Variants in MAST4 observed in about 807,000 individuals in gnomAD.
MAST4 encodes the protein microtubule associated serine/threonine kinase family member 4.
In MAST4, 89 loss-of-function variants were observed where a neutral mutation model predicts 162.7. That is an observed-to-expected ratio of 0.55 (90% CI 0.46 to 0.65). The LOEUF (loss-of-function observed/expected upper bound fraction) is 0.65, where lower values mean the gene tolerates loss of function less well. Ranked by LOEUF, MAST4 falls within the 30% of genes least tolerant of loss-of-function variation. The pLI, the probability that MAST4 is intolerant of heterozygous loss-of-function variation, is 0.00. For missense variants in MAST4, 3,153 were observed against 3,374.0 expected (o/e 0.93, Z 1.62); for synonymous variants, 1,479 against 1,361.1 (o/e 1.09, Z -1.91).
intron 3 of MAST4, among the ~76,000 whole-genome samples, chr5:66,809,180 G>GT (rs1756353541): frequency 6.6e-6 from 1 of 152,208 alleles, no homozygotes. Context: ...AAAATGTGGT[G>GT]TTCAGACAGT....
intron 4 of MAST4, among the ~76,000 whole-genome samples, chr5:66,927,150 CTA>C (rs1764963870): frequency 6.6e-6 from 1 of 152,114 alleles, no homozygotes; most frequent in African/African-American, 2.4e-5. Context: ...CTTCTATTTC[CTA>C]TGTCTTCCAG....
At chr5:66,844,629 T>C (rs1329765907) in intron 3 of MAST4, among the ~76,000 whole-genome samples, 2 of 152,130 alleles carry the variant, frequency 1.3e-5, no homozygotes, top group Non-Finnish European at 2.9e-5. Flanking sequence ...CGGGAGCTTA[T>C]GGCCAGAAGT....
intron 3 of MAST4, among the ~76,000 whole-genome samples, chr5:66,892,760 TA>T (rs1013199098): frequency 1.1e-4 from 17 of 152,268 alleles, no homozygotes; most frequent in African/African-American, 4.1e-4. Context: ...TGGTGGAGTA[TA>T]GGGGAAAAAA....
chr5:66,784,155 T>C (rs1298351166), intron 2 of MAST4, among the ~76,000 whole-genome samples: 1 of 151,564 alleles, frequency 6.6e-6, no homozygotes, highest in South Asian at 2.1e-4. Context: ...GTAGGAGTCC[T>C]CCACGATCAC....
chr5:66,995,857 C>T (rs2150297070), intron 4 of MAST4, among the ~76,000 whole-genome samples: 1 of 151,488 alleles, frequency 6.6e-6, no homozygotes, highest in Admixed American at 6.6e-5. Flanking sequence ...GCCTGAGAGA[C>T]AGCAAGATGC....
chr5:66,812,695 G>T (rs550255748), intron 3 of MAST4, among the ~76,000 whole-genome samples: 1 of 152,202 alleles, frequency 6.6e-6, no homozygotes, highest in Non-Finnish European at 1.5e-5. Context: ...GTAAAAGGCT[G>T]TGGTTTGCTT....
chr5:67,085,618 C>T (rs1309883468), intron 5 of MAST4, among the ~76,000 whole-genome samples: 1 of 152,206 alleles, frequency 6.6e-6, no homozygotes, highest in Non-Finnish European at 1.5e-5. Context: ...TTACTTGAAA[C>T]TTAAGCATAT....
chr5:67,049,022 CGTATATATATATATATATACGT>C (rs1316959707), intron 4 of MAST4, among the ~76,000 whole-genome samples: 1 of 81,938 alleles, frequency 1.2e-5, no homozygotes, highest in Admixed American at 1.3e-4. Flanking sequence ...TATATATATA[CGTATATATATATATATATACGT>C]GTATATATAT....
At chr5:66,944,859 T>A (rs1743832639) in intron 4 of MAST4, among the ~76,000 whole-genome samples, 1 of 152,136 alleles carries the variant, frequency 6.6e-6, no homozygotes, top group African/African-American at 2.4e-5. Context: ...AGTTCTCTGA[T>A]GCTTCCCCTT....
chr5:66,975,419 G>T (rs1459187738), intron 4 of MAST4, among the ~76,000 whole-genome samples: 1 of 152,146 alleles, frequency 6.6e-6, no homozygotes, highest in Non-Finnish European at 1.5e-5. Context: ...AGAAGAAGGA[G>T]CCCAGGAGTA....
chr5:66,753,012 C>T (rs552380012), intron 1 of MAST4, among the ~76,000 whole-genome samples: 150 of 151,288 alleles, frequency 9.9e-4, no homozygotes, highest in African/African-American at 3.5e-3. Context: ...CAAAACTGCT[C>T]AACTACATGG....
chr5:66,667,897 G>A (rs1025332584), intron 1 of MAST4, among the ~76,000 whole-genome samples: 9 of 151,920 alleles, frequency 5.9e-5, no homozygotes, highest in Non-Finnish European at 1.2e-4. Context: ...TAAGGGCCAG[G>A]GTCCAGTATT....
At chr5:66,710,629 A>G (rs1750435976) in intron 1 of MAST4, among the ~76,000 whole-genome samples, 2 of 152,140 alleles carry the variant, frequency 1.3e-5, no homozygotes, top group South Asian at 4.1e-4. Flanking sequence ...TTATTCACAA[A>G]TAGGTATCTT....
At chr5:66,818,900 TG>T (rs1756860339) in intron 3 of MAST4, among the ~76,000 whole-genome samples, 2 of 152,196 alleles carry the variant, frequency 1.3e-5, no homozygotes, top group African/African-American at 2.4e-5. Context: ...CTTTCCTCAT[TG>T]GTAAATTGGA....
intron 3 of MAST4, among the ~76,000 whole-genome samples, chr5:66,794,946 A>T (rs959344752): frequency 6.6e-6 from 1 of 152,244 alleles, no homozygotes; most frequent in Non-Finnish European, 1.5e-5. Flanking sequence ...GAAGTCAGGG[A>T]AAATTTACTA....
intron 1 of MAST4, among the ~76,000 whole-genome samples, chr5:66,628,231 C>A (rs935868852): frequency 6.6e-6 from 1 of 151,768 alleles, no homozygotes; most frequent in South Asian, 2.1e-4. Context: ...GTGGGATTTC[C>A]GTATGTTGCC....
At chr5:66,764,502 A>G (rs1302998123) in intron 2 of MAST4, among the ~76,000 whole-genome samples, 1 of 152,182 alleles carries the variant, frequency 6.6e-6, no homozygotes. Context: ...TGGGCCATAT[A>G]TATGACAGTG....
intron 4 of MAST4, among the ~76,000 whole-genome samples, chr5:66,914,186 A>G (rs189439104): frequency 1.2e-4 from 18 of 152,258 alleles, no homozygotes; most frequent in Middle Eastern, 3.4e-3. Flanking sequence ...TATTGAATCC[A>G]TAGATCAATC....
chr5:66,698,192 T>C (rs11749983), intron 1 of MAST4, among the ~76,000 whole-genome samples: 119,114 of 151,916 alleles, frequency 0.78, 47,913 homozygotes, highest in East Asian at 0.99. Context: ...ACAGCCCTGA[T>C]TTTGTAAATC....
Sources: allele counts gnomAD v4.1 joint callset (sites outside exome capture counted in the v4.1 genomes callset), GRCh38; gene constraint gnomAD v4.1.1; transcripts MANE v1.5; gene names NCBI Gene and HGNC (gene_info 2026-07-23, HGNC 2026-07-21).